HAUS6: variants seen among roughly 807,000 people sequenced by gnomAD.
The protein encoded by HAUS6 is HAUS augmin like complex subunit 6.
A neutral mutation model predicts 106.8 loss-of-function variants in HAUS6; 80 were observed. That is an observed-to-expected ratio of 0.75 (90% confidence interval 0.63 to 0.90). The LOEUF is 0.90. Ranked by LOEUF, HAUS6 falls within the 40% of genes least tolerant of loss-of-function variation. The pLI is 0.00. For missense variants in HAUS6, 1,155 were observed against 1,118.1 expected, an observed-to-expected ratio of 1.03 and a Z score of -0.47; for synonymous variants, 356 against 379.1, an observed-to-expected ratio of 0.94 and a Z score of 0.71.
rs746620621 is a variant in HAUS6, at chr9:19,080,543, G to C, written c.1000C>G (p.Leu334Val). 1.2e-6 allele frequency: 2 copies of C among 1,607,862 alleles called. No individual in the cohort carries two copies. Among genetic ancestry groups the C allele is most frequent in the Non-Finnish European group, 1.7e-6 (2 of 1,175,986 alleles). The stretch of plus-strand genomic sequence containing the variant: ...TTGGTCTCTTTTTCAAGGTAGTGAA[G>C]GTCTACCGTCAATCTTGCTTGATCA... ...QADQARLTVD[L>V]HYLEKETKFQ... The change falls in exon 9 of 17, where the codon CTT (leucine) becomes GTT (valine). Residue 334 changes from leucine to valine, a missense_variant. Leu to Val is a conservative substitution (Grantham distance 32). Around this residue, in one of 3 missense-constraint regions of HAUS6, gnomAD observed 761 missense variants for 690.0 expected, o/e 1.10. Transcript: ENST00000380502.
intron 7 of HAUS6, 130 bp from the exon 8 acceptor site, chr9:19,083,173 C>G (rs1489515010): frequency 2.1e-6 from 1 of 470,470 alleles, no homozygotes; most frequent in African/African-American, 2.0e-5. Context: ...AATAATTATA[C>G]TTTAATAGTT....
intron 5 of HAUS6, among the ~76,000 whole-genome samples, chr9:19,087,871 A>AC (rs1817656010): frequency 1.4e-5 from 2 of 146,548 alleles, no homozygotes; most frequent in Non-Finnish European, 3.0e-5. Context: ...AAAAAAAAAA[A>AC]CCACATGCAC....
At chr9:19,100,407 T>A (rs1354419551) in intron 1 of HAUS6, among the ~76,000 whole-genome samples, 1 of 152,196 alleles carries the variant, frequency 6.6e-6, no homozygotes, top group Non-Finnish European at 1.5e-5. Flanking sequence ...ACATCCATGT[T>A]GAAAGCATTT....
chr9:19,072,589 G>A (rs1836903092), intron 11 of HAUS6, among the ~76,000 whole-genome samples: 2 of 151,290 alleles, frequency 1.3e-5, no homozygotes, highest in African/African-American at 2.4e-5. Context: ...AAAACAACGA[G>A]ATTATATCAT....
intron 14 of HAUS6, among the ~76,000 whole-genome samples, chr9:19,061,773 T>TA (rs1836627404): frequency 6.6e-6 from 1 of 152,196 alleles, no homozygotes; most frequent in Non-Finnish European, 1.5e-5. Flanking sequence ...AGTTCGAAGT[T>TA]ACAGTGAGCT....
At chr9:19,074,601 T>C (rs932715241) in intron 11 of HAUS6, among the ~76,000 whole-genome samples, 24 of 152,110 alleles carry the variant, frequency 1.6e-4, no homozygotes, top group African/African-American at 5.3e-4. Context: ...TCTTCTCTTC[T>C]GGTTGCACCT....
chr9:19,099,244 G>A (rs188191993), intron 1 of HAUS6, among the ~76,000 whole-genome samples: 2 of 150,062 alleles, frequency 1.3e-5, no homozygotes, highest in African/African-American at 2.4e-5. Context: ...TCGGCTCACT[G>A]CAAGCTCTGC....
intron 1 of HAUS6, among the ~76,000 whole-genome samples, chr9:19,099,161 GTTTT>G (rs1202937977): frequency 1.4e-5 from 2 of 145,632 alleles, no homozygotes; most frequent in Admixed American, 6.8e-5. Flanking sequence ...TTTTTTGTTT[GTTTT>G]TTTGTGTTTT....
In HAUS6 at chr9:19,096,697, C is replaced by T; in HGVS notation, c.201G>A (p.Gln67=). Residue 67 remains glutamine, a synonymous_variant, in exon 2 of 17, where the codon CAG becomes CAA. Transcript: ENST00000380502. ...ISYFLFQVLD[Q]SLTKEVFKFC... Reference sequence around the variant, plus strand: ...ACTTGAAAACTTCTTTGGTGAGAGACTGGTCCAGAACTTGAAACAAAAAAT... The same window carrying T: ...ACTTGAAAACTTCTTTGGTGAGAGATTGGTCCAGAACTTGAAACAAAAAAT... 1 of 1,504,196 alleles carries T rather than the reference C, an allele frequency of 6.6e-7. No individual in the cohort carries two copies. The highest frequency in any genetic ancestry group is 1.4e-5 in the African/African-American group (1 of 70,020). The allele number at this position is 1,504,196 out of a possible 1,614,324, so 93.2% of individuals were successfully genotyped here. A position where few individuals can be genotyped will look rare whatever the true frequency, so the allele number is the denominator to read the frequency against.
chr9:19,060,364 G>C, intron 14 of HAUS6, 141 bp from the exon 15 acceptor site: 2 of 604,592 alleles, frequency 3.3e-6, no homozygotes, highest in South Asian at 2.7e-5. Flanking sequence ...CAACAAAGAA[G>C]TTCCCCAACA....
At chr9:19,080,063 A>T (rs990973467) in intron 9 of HAUS6, among the ~76,000 whole-genome samples, 4 of 149,982 alleles carry the variant, frequency 2.7e-5, no homozygotes, top group Non-Finnish European at 5.9e-5. Flanking sequence ...AATCGCAGCT[A>T]CTCAAGAGGC....
At position 19,058,239 on chromosome 9, in the gene HAUS6, G is replaced by A; in HGVS notation, c.2528C>T (p.Ser843Phe). Residue 843 changes from serine to phenylalanine, a missense_variant, in exon 16 of 17, where the codon TCT (serine) becomes TTT (phenylalanine). Physicochemically the swap from Ser to Phe is radical, Grantham distance 155. Transcript: ENST00000380502. ...AGATTCTTCCCTTTTCTTGGAAAGA[G>A]ATTTCTTCAGAGCCTCGTATCTACT... Reference protein sequence around the residue: ...LRSRYEALKKSLSKKREESYL... With the variant: ...LRSRYEALKKFLSKKREESYL... The A allele has an allele frequency of 2.5e-6, 4 of 1,613,900 alleles. No individual in the cohort carries two copies. Among genetic ancestry groups the A allele is most frequent in the Non-Finnish European group, 3.4e-6 (4 of 1,179,828 alleles).
At position 19,102,674 on chromosome 9, in the gene HAUS6, G is replaced by A. The variant is rs895693585; in HGVS notation, c.-23C>T. On this transcript the variant is annotated 5_prime_UTR_variant, in exon 1 of 17. Transcript: ENST00000380502. ...CATCCTCGCGGTAGGCACGGTGGCT[G>A]CAAAGAAAGAAAGCGCAAGCCCAGG... is the stretch of plus-strand genomic sequence containing the variant. 4 of 1,605,066 alleles carry A rather than the reference G, an allele frequency of 2.5e-6. No homozygotes were observed. Among genetic ancestry groups the A allele is most frequent in the East Asian group, 4.5e-5 (2 of 44,340 alleles).
At chr9:19,084,739 T>G (rs898222844) in intron 7 of HAUS6, among the ~76,000 whole-genome samples, 1 of 151,908 alleles carries the variant, frequency 6.6e-6, no homozygotes, top group Non-Finnish European at 1.5e-5. Context: ...TTCAAGTGAT[T>G]CTTGTGCCTC....
chr9:19,074,567 C>G (rs976816825), intron 11 of HAUS6, among the ~76,000 whole-genome samples: 1 of 152,054 alleles, frequency 6.6e-6, no homozygotes, highest in Non-Finnish European at 1.5e-5. Flanking sequence ...CTGCTATGCC[C>G]AGCCCTATGC....
At position 19,058,656 on chromosome 9, in the gene HAUS6, T is replaced by C. The variant is rs1319351408; in HGVS notation, c.2111A>G (p.Lys704Arg). 8 of 1,608,560 alleles carry C rather than the reference T, an allele frequency of 5.0e-6. No individual in the cohort carries two copies. Among genetic ancestry groups the C allele is most frequent in the South Asian group, 3.3e-5 (3 of 91,008 alleles). ...KQDLECLAFTKLSETSRMETF... is the reference protein window; with the variant it reads ...KQDLECLAFTRLSETSRMETF... ...CTCCATTCGGCTAGTTTCTGAAAGC[T>C]TGGTGAAGGCTAAACATTCCAAATC... The change falls in exon 16 of 17, where the codon AAG (lysine) becomes AGG (arginine). Residue 704 changes from lysine (K) to arginine (R), a missense_variant. Physicochemically the swap from Lys to Arg is conservative, Grantham distance 26. This residue lies in a region of HAUS6 where 380 missense variants were observed against 394.8 expected (regional missense o/e 0.96). Transcript: ENST00000380502.
chr9:19,085,446 A>G (rs1391634048), intron 7 of HAUS6, among the ~76,000 whole-genome samples: 1 of 152,098 alleles, frequency 6.6e-6, no homozygotes, highest in East Asian at 1.9e-4. Context: ...TGTCTACGAG[A>G]TACCTAGCAC....
chr9:19,084,678 G>A (rs1588618715), intron 7 of HAUS6, among the ~76,000 whole-genome samples: 1 of 149,958 alleles, frequency 6.7e-6, no homozygotes, highest in African/African-American at 2.5e-5. Context: ...TGTCACCCAG[G>A]CTGGAGTGCA....
At position 19,054,995 on chromosome 9, in the gene HAUS6, G is replaced by A. The variant is rs901981166; in HGVS notation, c.*1348C>T. The A allele has an allele frequency of 6.6e-6, 1 of 151,912 alleles. No individual in the cohort carries two copies. The highest frequency in any genetic ancestry group is 2.4e-5 in the African/African-American group (1 of 41,208). The allele number at this position is 151,912 out of a possible 1,614,324, so 9.4% of individuals were successfully genotyped here. On this transcript the variant is annotated 3_prime_UTR_variant, in exon 17 of 17. Transcript: ENST00000380502. Reference sequence around the variant, plus strand: ...ACTAATAAAAGAAAACAGCAACTTAGGAGAAGATTTTTTCTTTCTCCTTTT... The same window carrying A: ...ACTAATAAAAGAAAACAGCAACTTAAGAGAAGATTTTTTCTTTCTCCTTTT...
Sources: gnomAD v4.1 joint callset for allele counts (sites outside exome capture counted in the v4.1 genomes callset) on GRCh38, gnomAD v4.1.1 for gene constraint, gnomAD v4.1.1 regional missense constraint, MANE v1.5 for transcripts, NCBI Gene and HGNC (gene_info 2026-07-23, HGNC 2026-07-21) for gene names.